ZSWIM6: variants seen among roughly 807,000 people sequenced by gnomAD.
ZSWIM6 encodes the protein zinc finger SWIM-type containing 6.
A neutral mutation model predicts 113.2 loss-of-function variants in ZSWIM6; 9 were observed. The ratio of observed to expected loss-of-function variants is 0.08; its 90% confidence interval spans 0.05 to 0.14. ZSWIM6 has a LOEUF of 0.14. Among genes scored for constraint, ZSWIM6 ranks in the 10% least tolerant of loss-of-function variants. ZSWIM6 has a pLI of 1.00. For missense variants in ZSWIM6, 1,162 were observed against 1,552.2 expected, an observed-to-expected ratio of 0.75 and a Z score of 4.22; for synonymous variants, 611 against 606.5, an observed-to-expected ratio of 1.01 and a Z score of -0.11.
intron 1 of ZSWIM6, among the ~76,000 whole-genome samples, chr5:61,349,913 A>G (rs760106294): frequency 6.6e-6 from 1 of 152,240 alleles, no homozygotes; most frequent in Non-Finnish European, 1.5e-5. Context: ...TGCAAAAAAA[A>G]CACATAACTT....
intron 1 of ZSWIM6, among the ~76,000 whole-genome samples, chr5:61,384,861 T>C (rs557013142): frequency 6.6e-6 from 1 of 152,150 alleles, no homozygotes; most frequent in East Asian, 1.9e-4. Context: ...ATCGAGACCA[T>C]CCTGGCTAAC....
At chr5:61,469,567 C>A (rs1284431262) in intron 1 of ZSWIM6, among the ~76,000 whole-genome samples, 1 of 152,146 alleles carries the variant, frequency 6.6e-6, no homozygotes, top group African/African-American at 2.4e-5. Flanking sequence ...TATGTGGGAT[C>A]CCTTCTGCAT....
intron 1 of ZSWIM6, among the ~76,000 whole-genome samples, chr5:61,458,929 C>T (rs1171370268): frequency 6.6e-6 from 1 of 151,052 alleles, no homozygotes; most frequent in Non-Finnish European, 1.5e-5. Context: ...AGGTAAACAG[C>T]TAATTGGTAG....
At chr5:61,348,898 T>G (rs1744725101) in intron 1 of ZSWIM6, among the ~76,000 whole-genome samples, 2 of 152,168 alleles carry the variant, frequency 1.3e-5, no homozygotes, top group Admixed American at 1.3e-4. Flanking sequence ...GGGATTGTTG[T>G]GGAGACTGAC....
At chr5:61,522,080 G>GTTTTTTTTTTT (rs369447967) in intron 5 of ZSWIM6, among the ~76,000 whole-genome samples, 1 of 141,606 alleles carries the variant, frequency 7.1e-6, no homozygotes, top group African/African-American at 2.6e-5. Flanking sequence ...TTTCTGTCCT[G>GTTTTTTTTTTT]TTTTTTTTGT....
intron 1 of ZSWIM6, among the ~76,000 whole-genome samples, chr5:61,435,693 C>A (rs754672465): frequency 6.6e-6 from 1 of 152,040 alleles, no homozygotes. Context: ...ACAACTGTTA[C>A]GGATTACATT....
Position 61,543,695 on chromosome 5 carries a change from C to G in ZSWIM6, c.3026C>G (p.Ala1009Gly). 6.4e-7 allele frequency: 1 copy of G among 1,551,698 alleles called. No homozygotes were observed. The highest frequency in any genetic ancestry group is 8.7e-7 in the Non-Finnish European group (1 of 1,146,998). The part of the protein sequence containing the change: ...ALTLCEKDHI[A>G]FETAYQIVLD... ...ACCCTTTGTGAAAAGGATCACATAG[C>G]TTTTGAGACGGCGTACCAAATTGTT... The change falls in exon 14 of 14, where the codon GCT becomes GGT. Residue 1009 changes from alanine to glycine, a missense_variant. Physicochemically the swap from Ala to Gly is moderately conservative, Grantham distance 60. This residue lies in a region of ZSWIM6 where 620 missense variants were observed against 804.6 expected (regional missense o/e 0.77). Transcript: ENST00000252744. The surrounding 1 kb of genome is among the most constrained non-coding windows in gnomAD (Gnocchi z 4.3).
chr5:61,417,902 A>G (rs1222018046), intron 1 of ZSWIM6, among the ~76,000 whole-genome samples: 2 of 152,214 alleles, frequency 1.3e-5, no homozygotes, highest in African/African-American at 4.8e-5. Flanking sequence ...CTTGAAACCA[A>G]GTGAAAACCA....
At chr5:61,407,425 A>G (rs1579980184) in intron 1 of ZSWIM6, among the ~76,000 whole-genome samples, 2 of 152,252 alleles carry the variant, frequency 1.3e-5, no homozygotes, top group Non-Finnish European at 2.9e-5. Context: ...ACCAAGAACC[A>G]TGAAAGAATA....
At position 61,398,391 on chromosome 5, in the gene ZSWIM6, C is replaced by T. The variant is rs367917747; in HGVS notation, c.676+65443C>T. ...GAACAGTTTCATCCTGAAACTATCC[C>T]CCTACCCCTAGTTCATGGAAAAATT... is the stretch of plus-strand genomic sequence containing the variant. On this transcript the variant is annotated intron_variant, in intron 1 of 13. Coordinates refer to ENST00000252744, the MANE Select transcript of ZSWIM6 (RefSeq NM_020928.2). 2.0e-4 allele frequency among the ~76,000 whole-genome samples: 31 copies of T among 152,278 alleles called. No homozygotes were observed. The East Asian group carries it at 2.5e-3, about 12-fold the overall frequency.
At chr5:61,462,483 G>A (rs1353932333) in intron 1 of ZSWIM6, among the ~76,000 whole-genome samples, 1 of 152,114 alleles carries the variant, frequency 6.6e-6, no homozygotes, top group Non-Finnish European at 1.5e-5. Flanking sequence ...TGGAACAACA[G>A]AAAAAAATGA....
At chr5:61,333,757 C>T (rs1055447609) in intron 1 of ZSWIM6, among the ~76,000 whole-genome samples, 1 of 152,146 alleles carries the variant, frequency 6.6e-6, no homozygotes, top group African/African-American at 2.4e-5. Flanking sequence ...TCCCTTTTCT[C>T]TGAAGCTGCC....
intron 4 of ZSWIM6, among the ~76,000 whole-genome samples, chr5:61,506,875 G>T (rs1205868581): frequency 1.3e-5 from 2 of 152,072 alleles, no homozygotes; most frequent in Non-Finnish European, 2.9e-5. Context: ...ATTATGAATT[G>T]TTTAATAGCC....
intron 1 of ZSWIM6, among the ~76,000 whole-genome samples, chr5:61,353,520 C>T (rs901894463): frequency 6.6e-6 from 1 of 152,182 alleles, no homozygotes; most frequent in Middle Eastern, 3.2e-3. Context: ...ATGTGTCATT[C>T]ACAGTCCTCC....
At chr5:61,501,473 A>G (rs759929839) in intron 4 of ZSWIM6, among the ~76,000 whole-genome samples, 7 of 152,226 alleles carry the variant, frequency 4.6e-5, no homozygotes, top group Non-Finnish European at 1.0e-4. Flanking sequence ...CGAATTAAAA[A>G]AATAGATTTT....
chr5:61,413,515 T>G (rs1579983551), intron 1 of ZSWIM6, among the ~76,000 whole-genome samples: 1 of 152,154 alleles, frequency 6.6e-6, no homozygotes, highest in South Asian at 2.1e-4. Flanking sequence ...CAGCATGATT[T>G]ATAGTCCTTT....
intron 4 of ZSWIM6, among the ~76,000 whole-genome samples, chr5:61,506,368 A>C (rs1260945439): frequency 1.3e-5 from 2 of 151,948 alleles, no homozygotes; most frequent in African/African-American, 4.8e-5. Flanking sequence ...GGATTACCTG[A>C]GGTTGGGAGT....
At chr5:61,444,564 T>G (rs1334200023) in intron 1 of ZSWIM6, among the ~76,000 whole-genome samples, 1 of 152,138 alleles carries the variant, frequency 6.6e-6, no homozygotes, top group Admixed American at 6.6e-5. Context: ...AGTCCCAAGG[T>G]AAGACTTTCA....
At chr5:61,390,660 T>C in intron 1 of ZSWIM6, 1 of 824,048 alleles carries the variant, frequency 1.2e-6, no homozygotes, top group Admixed American at 1.7e-5. Flanking sequence ...CAAAAACTGT[T>C]CCTGGCATTA....
Sources: gnomAD v4.1 joint callset for allele counts (sites outside exome capture counted in the v4.1 genomes callset) on GRCh38, gnomAD v4.1.1 for gene constraint, gnomAD v4.1.1 regional missense constraint, Gnocchi (gnomAD v3.1) non-coding constraint, MANE v1.5 for transcripts, NCBI Gene and HGNC (gene_info 2026-07-23, HGNC 2026-07-21) for gene names.